HECW1: variants seen among roughly 807,000 people sequenced by gnomAD.
HECW1 encodes the protein HECT, C2 and WW domain containing E3 ubiquitin protein ligase 1.
In HECW1, 61 loss-of-function variants were observed where a neutral mutation model predicts 182.3. That is an observed-to-expected ratio of 0.33 (90% CI 0.27 to 0.41). The LOEUF is 0.41. HECW1 is among the 10% of genes least tolerant of loss of function. The probability of loss-of-function intolerance (pLI) is 1.00; values close to 1 mark genes in which losing one functional copy is unlikely to be tolerated. For missense variants in HECW1, 1,739 were observed against 2,108.9 expected (o/e 0.82, Z 3.44); for synonymous variants, 859 against 832.6 (o/e 1.03, Z -0.55).
intron 4 of HECW1, among the ~76,000 whole-genome samples, chr7:43,319,539 G>T (rs189142743): frequency 1.4e-5 from 1 of 69,528 alleles, no homozygotes; most frequent in African/African-American, 6.1e-5. Flanking sequence ...CCCCCCACCC[G>T]CCGGCCTCCT....
In HECW1 at chr7:43,562,693, C is replaced by A. The variant is rs998965420; in HGVS notation, c.*767C>A. ...GGAGCATCCCTAGTGAATACTCACA[C>A]CACAAGAAGGACAAACTTGTGCACA... is the stretch of plus-strand genomic sequence containing the variant. On this transcript the variant is annotated 3_prime_UTR_variant, in exon 30 of 30. Coordinates refer to ENST00000395891, the MANE Select transcript of HECW1 (RefSeq NM_015052.5). The A allele has an allele frequency of 8.9e-6, 2 of 224,304 alleles. No homozygotes were observed. Among genetic ancestry groups the A allele is most frequent in the Non-Finnish European group, 1.8e-5 (2 of 112,178 alleles). 13.9% of individuals were successfully genotyped at this position (224,304 alleles called of 1,614,324 possible).
intron 2 of HECW1, among the ~76,000 whole-genome samples, chr7:43,237,193 AG>A (rs1352585270): frequency 1.3e-5 from 2 of 150,416 alleles, no homozygotes; most frequent in South Asian, 2.1e-4. Context: ...AGGTAGGTAA[AG>A]TGTGACTGTT....
chr7:43,374,937 G>A (rs1170971977), intron 6 of HECW1, among the ~76,000 whole-genome samples: 1 of 151,928 alleles, frequency 6.6e-6, no homozygotes, highest in Non-Finnish European at 1.5e-5. Flanking sequence ...TAGGTTCATA[G>A]TAGAAAATTT....
chr7:43,206,430 G>T (rs538781922), intron 2 of HECW1, among the ~76,000 whole-genome samples: 3 of 152,146 alleles, frequency 2.0e-5, no homozygotes, highest in Non-Finnish European at 4.4e-5. Context: ...TGTCTCTTCT[G>T]CTCTCTATTG....
rs189371730 is a variant in HECW1 at position 43,288,154 on chromosome 7, T to A, written c.28-23609T>A. The stretch of plus-strand genomic sequence containing the variant: ...TTAACATCTCTTCTTTCTCTAGGGC[T>A]TTTTCAATTAAACACACAGCCCAAA... On this transcript the variant is annotated intron_variant, in intron 3 of 29. Coordinates refer to ENST00000395891, the MANE Select transcript of HECW1 (RefSeq NM_015052.5). Among the ~76,000 whole-genome samples the A allele has an allele frequency of 2.6e-5, 4 of 152,276 alleles. No individual in the cohort carries two copies. In the East Asian group the frequency reaches 7.7e-4, roughly 29 times the overall value.
At chr7:43,298,727 T>G (rs1294562443) in intron 3 of HECW1, among the ~76,000 whole-genome samples, 1 of 152,194 alleles carries the variant, frequency 6.6e-6, no homozygotes, top group Non-Finnish European at 1.5e-5. Flanking sequence ...TCTTGGAGCT[T>G]TGTAGAAAGC....
intron 2 of HECW1, among the ~76,000 whole-genome samples, chr7:43,138,816 GGT>G (rs1257316258): frequency 3.9e-5 from 6 of 152,122 alleles, no homozygotes; most frequent in Non-Finnish European, 8.8e-5. Context: ...CAGGGGGAAG[GGT>G]GGGTGAGAGA....
intron 6 of HECW1, among the ~76,000 whole-genome samples, chr7:43,386,096 T>C (rs2074783968): frequency 1.3e-5 from 2 of 152,214 alleles, no homozygotes; most frequent in South Asian, 4.1e-4. Context: ...CCCACATTCC[T>C]TACCACGTGG....
intron 2 of HECW1, among the ~76,000 whole-genome samples, chr7:43,137,828 G>A (rs368249231): frequency 6.6e-6 from 1 of 152,090 alleles, no homozygotes; most frequent in African/African-American, 2.4e-5. Context: ...GGGATTACAG[G>A]CATGAGCCAC....
chr7:43,536,780 G>A (rs895350549), intron 24 of HECW1, among the ~76,000 whole-genome samples: 6 of 115,026 alleles, frequency 5.2e-5, no homozygotes, highest in Non-Finnish European at 9.8e-5. Context: ...AAAGGACGGT[G>A]AGCAAACTTC....
intron 2 of HECW1, among the ~76,000 whole-genome samples, chr7:43,133,174 T>C (rs1787147243): frequency 6.6e-6 from 1 of 151,994 alleles, no homozygotes; most frequent in Non-Finnish European, 1.5e-5. Context: ...AGCACTATTA[T>C]TTTTTCAATT....
intron 26 of HECW1, 73 bp downstream of exon 26, chr7:43,542,071 C>G: frequency 7.9e-7 from 1 of 1,270,374 alleles, no homozygotes; most frequent in Non-Finnish European, 1.0e-6. Context: ...ATAAAGTTAT[C>G]ATCTTAATCA....
intron 17 of HECW1, among the ~76,000 whole-genome samples, chr7:43,485,011 G>A (rs2078575326): frequency 6.6e-6 from 1 of 152,188 alleles, no homozygotes; most frequent in Non-Finnish European, 1.5e-5. Context: ...CAATAAGGAA[G>A]GATAAGCAGA....
intron 2 of HECW1, among the ~76,000 whole-genome samples, chr7:43,235,811 C>T (rs1316790290): frequency 6.6e-6 from 1 of 152,092 alleles, no homozygotes; most frequent in Non-Finnish European, 1.5e-5. Context: ...ACACACCCAG[C>T]ACACTCCCCT....
chr7:43,243,967 A>T lies in HECW1; in HGVS notation c.27+35A>T, dbSNP rs933914398. 1.3e-6 allele frequency: 2 copies of T among 1,522,766 alleles called. No individual in the cohort carries two copies. The highest frequency in any genetic ancestry group is 2.7e-5 in the African/African-American group (2 of 72,980). 94.3% of individuals were successfully genotyped at this position (1,522,766 alleles called of 1,614,324 possible). On this transcript the variant is annotated intron_variant, in intron 3 of 29. Transcript: ENST00000395891. The surrounding 1 kb of genome is among the most constrained non-coding windows in gnomAD (Gnocchi z 4.0). ...CTTTTCTGATTATAAGAAACCATCC[A>T]TGTCATTCCATTATAAACCCACTCC...
At chr7:43,325,024 A>C (rs1458751761) in intron 5 of HECW1, among the ~76,000 whole-genome samples, 1 of 152,216 alleles carries the variant, frequency 6.6e-6, no homozygotes, top group Non-Finnish European at 1.5e-5. Flanking sequence ...TCTGATTTTG[A>C]AAGTACCATC....
chr7:43,513,293 T>C (rs2079968462), intron 24 of HECW1, among the ~76,000 whole-genome samples: 1 of 152,238 alleles, frequency 6.6e-6, no homozygotes, highest in Admixed American at 6.5e-5. Flanking sequence ...TCTGGGACTC[T>C]GCTCTCCACG....
intron 9 of HECW1, among the ~76,000 whole-genome samples, chr7:43,441,530 G>A (rs981645599): frequency 1.3e-5 from 2 of 148,824 alleles, no homozygotes; most frequent in African/African-American, 4.9e-5. Context: ...AGCAGGCCAA[G>A]GACATCCGTG....
chr7:43,400,457 A>G (rs2075368170), intron 7 of HECW1, among the ~76,000 whole-genome samples: 1 of 152,156 alleles, frequency 6.6e-6, no homozygotes, highest in African/African-American at 2.4e-5. Context: ...AACAACAGAA[A>G]TTTTGACTTG....
Sources: allele counts gnomAD v4.1 joint callset (sites outside exome capture counted in the v4.1 genomes callset), GRCh38; gene constraint gnomAD v4.1.1; non-coding constraint Gnocchi (gnomAD v3.1); transcripts MANE v1.5; gene names NCBI Gene and HGNC (gene_info 2026-07-23, HGNC 2026-07-21).